Variants in ZC3H11A observed in about 807,000 individuals in gnomAD.
The protein encoded by ZC3H11A is zinc finger CCCH-type containing 11A.
ZC3H11A carries 22 observed loss-of-function variants against 90.8 expected under a neutral mutation model. That is an observed-to-expected ratio of 0.24 (90% confidence interval 0.17 to 0.35). The LOEUF is 0.35. Ranked by LOEUF, ZC3H11A falls within the 10% of genes least tolerant of loss-of-function variation. ZC3H11A has a pLI of 1.00. For missense variants in ZC3H11A, 701 were observed against 964.9 expected (o/e 0.73, Z 3.62); for synonymous variants, 294 against 339.8 (o/e 0.87, Z 1.48).
intron 3 of ZC3H11A, among the ~76,000 whole-genome samples, chr1:203,817,628 T>C (rs149870968): frequency 6.6e-6 from 1 of 152,232 alleles, no homozygotes; most frequent in African/African-American, 2.4e-5. Flanking sequence ...TTGTCAAAAC[T>C]TCTGTTTTTC....
intron 15 of ZC3H11A, chr1:203,850,310 T>C (rs766062382): frequency 4.2e-6 from 3 of 712,798 alleles, no homozygotes; most frequent in Non-Finnish European, 7.0e-6. Context: ...GTAACAAATT[T>C]AAGTGGTATT....
chr1:203,849,443 AT>A (rs1279120716), intron 14 of ZC3H11A, among the ~76,000 whole-genome samples: 1 of 152,182 alleles, frequency 6.6e-6, no homozygotes, highest in Non-Finnish European at 1.5e-5. Flanking sequence ...TTGTGCAGGT[AT>A]TTGATTATTT....
chr1:203,852,212 A>G lies in ZC3H11A; in HGVS notation c.2246A>G (p.Gln749Arg). Residue 749 changes from glutamine (Q) to arginine (R), a missense_variant, in exon 18 of 18, where the codon CAA becomes CGA. By Grantham distance (43) the Gln-to-Arg change is conservative. Transcript: ENST00000367210. ...PPEVSGPSSSQMSMKTRRLSS... is the reference protein window; with the variant it reads ...PPEVSGPSSSRMSMKTRRLSS... ...GAGGTGTCTGGCCCTTCCTCATCCC[A>G]AATGAGCATGAAAACTCGCCGACTC... The G allele has an allele frequency of 1.2e-6, 2 of 1,613,492 alleles. No individual in the cohort carries two copies. Among genetic ancestry groups the G allele is most frequent in the Non-Finnish European group, 1.7e-6 (2 of 1,179,776 alleles).
chr1:203,823,521 A>C (rs1305076455), intron 4 of ZC3H11A, among the ~76,000 whole-genome samples: 1 of 152,258 alleles, frequency 6.6e-6, no homozygotes, highest in Admixed American at 6.5e-5. Flanking sequence ...TTGTACAAAC[A>C]GTCTAGGCAT....
intron 12 of ZC3H11A, among the ~76,000 whole-genome samples, chr1:203,845,654 A>G (rs1687685153): frequency 6.6e-6 from 1 of 151,980 alleles, no homozygotes; most frequent in African/African-American, 2.4e-5. Context: ...TCTTGAGACC[A>G]GGAGTTTTGA....
intron 14 of ZC3H11A, 90 bp from the exon 15 acceptor site, chr1:203,849,621 C>A: frequency 8.1e-7 from 1 of 1,230,426 alleles, no homozygotes; most frequent in Non-Finnish European, 1.2e-6. Flanking sequence ...ATGTGAGATT[C>A]TGCTTAACTT....
At chr1:203,805,143 ATTT>A (rs148879848) in intron 2 of ZC3H11A, among the ~76,000 whole-genome samples, 48 of 131,418 alleles carry the variant, frequency 3.7e-4, no homozygotes, top group South Asian at 7.4e-4. Flanking sequence ...TACAGTAGTG[ATTT>A]TTTTTTTTTT....
At chr1:203,832,766 G>A (rs761727466) in intron 9 of ZC3H11A, among the ~76,000 whole-genome samples, 4 of 152,230 alleles carry the variant, frequency 2.6e-5, no homozygotes, top group Non-Finnish European at 4.4e-5. Context: ...TTAGAAGAAA[G>A]AGAGCTCACT....
intron 4 of ZC3H11A, among the ~76,000 whole-genome samples, chr1:203,822,838 A>G (rs1412682748): frequency 6.6e-6 from 1 of 152,066 alleles, no homozygotes; most frequent in Non-Finnish European, 1.5e-5. Context: ...CTGGGCCACC[A>G]TGTCCTTCCC....
At chr1:203,836,226 T>A (rs951068127) in intron 10 of ZC3H11A, among the ~76,000 whole-genome samples, 4 of 152,150 alleles carry the variant, frequency 2.6e-5, no homozygotes, top group African/African-American at 9.7e-5. Context: ...CTAAAAATAA[T>A]AATTAAAAGT....
At chr1:203,821,634 A>C (rs1415019230) in intron 4 of ZC3H11A, among the ~76,000 whole-genome samples, 1 of 152,128 alleles carries the variant, frequency 6.6e-6, no homozygotes, top group African/African-American at 2.4e-5. Context: ...GAATAATGGT[A>C]TATAGAAGTT....
Position 203,852,585 on chromosome 1 carries a change from A to G in ZC3H11A, c.*186A>G, listed in dbSNP as rs1020763291. On this transcript the variant is annotated 3_prime_UTR_variant, in exon 18 of 18. Coordinates refer to ENST00000367210, the MANE Select transcript of ZC3H11A (RefSeq NM_001376342.1). ...GGTCAGATTTTTAAAGTTACTTTAT[A>G]ACCATTTTGTCCATTTGATGCCATT... 3.2e-5 allele frequency: 21 copies of G among 657,156 alleles called. No individual in the cohort carries two copies. The highest frequency in any genetic ancestry group is 4.1e-4 in the Middle Eastern group (1 of 2,426). 40.7% of individuals were successfully genotyped at this position (657,156 alleles called of 1,614,324 possible). A position where few individuals can be genotyped will look rare whatever the true frequency, so the allele number is the denominator to read the frequency against.
chr1:203,815,379 C>CTT (rs397711285), intron 2 of ZC3H11A, among the ~76,000 whole-genome samples: 2,850 of 96,838 alleles, frequency 0.029, 86 homozygotes, highest in Non-Finnish European at 0.039. Context: ...CCACACCCAG[C>CTT]TTTTTTTTTT....
rs764690334 is a variant in ZC3H11A, at chr1:203,798,574, A to G, written c.-1588+2780A>G. ...TTGAGTGATACCTTGCATGGAGAAA[A>G]GTCTACAGGCAGCCAAGATTTAACA... On this transcript the variant is annotated intron_variant, in intron 1 of 17. Coordinates refer to ENST00000367210, the MANE Select transcript of ZC3H11A (RefSeq NM_001376342.1). 1.4e-5 allele frequency: 21 copies of G among 1,536,136 alleles called. No individual in the cohort carries two copies. The South Asian group carries it at 2.4e-4, about 17-fold the overall frequency.
chr1:203,848,670 G>A (rs1166340977), intron 14 of ZC3H11A, among the ~76,000 whole-genome samples: 1 of 152,118 alleles, frequency 6.6e-6, no homozygotes, highest in East Asian at 1.9e-4. Flanking sequence ...GGCGGATCAC[G>A]AGGTCAGGAG....
Position 203,829,374 on chromosome 1 carries a change from C to A in ZC3H11A, c.299-77C>A, listed in dbSNP as rs16852380. ...CATAAGACAAATACACTATAGTTTT[C>A]ATAGGTGGTCAGGAATTTTTGGTAA... On this transcript the variant is annotated intron_variant, in intron 5 of 17. Transcript: ENST00000367210. The A allele has an allele frequency of 1.6e-3, 2,314 of 1,441,924 alleles. 47 individuals carry two copies. In the East Asian group the frequency reaches 0.037, roughly 23 times the overall value. The allele number at this position is 1,441,924 out of a possible 1,614,324, so 89.3% of individuals were successfully genotyped here. A position where few individuals can be genotyped will look rare whatever the true frequency, so the allele number is the denominator to read the frequency against.
At chr1:203,832,796 GAT>G (rs1413311264) in intron 9 of ZC3H11A, among the ~76,000 whole-genome samples, 3 of 152,230 alleles carry the variant, frequency 2.0e-5, no homozygotes, top group Non-Finnish European at 4.4e-5. Flanking sequence ...GGTGATCAGA[GAT>G]AGTTATATTG....
intron 11 of ZC3H11A, among the ~76,000 whole-genome samples, chr1:203,839,706 A>C (rs1685481475): frequency 6.6e-6 from 1 of 152,186 alleles, no homozygotes; most frequent in Non-Finnish European, 1.5e-5. Context: ...TATTTCAATG[A>C]CAGTAAGGTT....
chr1:203,797,653 A>C, intron 1 of ZC3H11A: 5 of 1,536,106 alleles, frequency 3.3e-6, no homozygotes, highest in Non-Finnish European at 4.4e-6. Flanking sequence ...GATGTGGTAG[A>C]GGAAAAGATG....
Sources: allele counts gnomAD v4.1 joint callset (sites outside exome capture counted in the v4.1 genomes callset), GRCh38; gene constraint gnomAD v4.1.1; transcripts MANE v1.5; gene names NCBI Gene and HGNC (gene_info 2026-07-23, HGNC 2026-07-21).